HDAC11: variants seen among roughly 807,000 people sequenced by gnomAD.
HDAC11 encodes histone deacetylase 11.
A neutral mutation model predicts 41.1 loss-of-function variants in HDAC11; 23 were observed. The ratio of observed to expected loss-of-function variants is 0.56; its 90% CI spans 0.40 to 0.79. The LOEUF (loss-of-function observed/expected upper bound fraction) is 0.79. Among genes scored for constraint, HDAC11 ranks in the 30% least tolerant of loss-of-function variants. The pLI is 0.00. For synonymous variants in HDAC11, 187 were observed against 186.6 expected, an observed-to-expected ratio of 1.00 and a Z score of -0.02; for missense variants, 402 against 477.3, an observed-to-expected ratio of 0.84 and a Z score of 1.47.
At chr3:13,500,845 C>A in intron 6 of HDAC11, 56 bp downstream of exon 6, 2 of 1,262,226 alleles carry the variant, frequency 1.6e-6, no homozygotes, top group African/African-American at 1.5e-5. Flanking sequence ...GAATCCTCCC[C>A]ATAGCTCCAA....
chr3:13,498,607 G>A (rs759742630), intron 5 of HDAC11, 52 bp downstream of exon 5: 21 of 1,493,516 alleles, frequency 1.4e-5, no homozygotes, highest in Non-Finnish European at 1.8e-5. Context: ...GGTGGAACTG[G>A]CCTGAAAGGG....
At chr3:13,481,511 G>A in intron 2 of HDAC11, 117 bp downstream of exon 2, 4 of 1,153,198 alleles carry the variant, frequency 3.5e-6, no homozygotes, top group African/African-American at 3.1e-5. Context: ...GCCCTCGGAT[G>A]GCCTTCCACC....
At chr3:13,504,057 T>A in intron 8 of HDAC11, 37 bp from the exon 9 acceptor site, 1 of 1,596,498 alleles carries the variant, frequency 6.3e-7, no homozygotes, top group Non-Finnish European at 8.6e-7. Context: ...CAGTTTCCCT[T>A]CTCTATAAAT....
chr3:13,496,571 T>G (rs551518440), intron 3 of HDAC11, 165 bp from the exon 4 acceptor site: 7 of 569,792 alleles, frequency 1.2e-5, no homozygotes, highest in African/African-American at 9.7e-5. Flanking sequence ...CCTGGTAGGG[T>G]TGTGGCTCTG....
intron 3 of HDAC11, among the ~76,000 whole-genome samples, chr3:13,488,467 C>G (rs954616519): frequency 1.3e-5 from 2 of 150,594 alleles, no homozygotes; most frequent in African/African-American, 5.0e-5. Flanking sequence ...CCTGCATTCT[C>G]TCTCTATGGA....
chr3:13,493,760 A>G (rs1310533425), intron 3 of HDAC11, among the ~76,000 whole-genome samples: 1 of 152,186 alleles, frequency 6.6e-6, no homozygotes, highest in Non-Finnish European at 1.5e-5. Flanking sequence ...CACAGCAAAC[A>G]CACATACTTT....
intron 3 of HDAC11, among the ~76,000 whole-genome samples, chr3:13,485,766 C>G (rs1023123842): frequency 5.3e-5 from 8 of 150,590 alleles, no homozygotes; most frequent in Non-Finnish European, 1.0e-4. Flanking sequence ...GCTGGTATGA[C>G]AGAGTGAGAC....
chr3:13,493,495 C>T (rs1559376001), intron 3 of HDAC11, among the ~76,000 whole-genome samples: 1 of 152,244 alleles, frequency 6.6e-6, no homozygotes, highest in Non-Finnish European at 1.5e-5. Context: ...CCGCATGTGG[C>T]TCTTGAAATA....
intron 3 of HDAC11, among the ~76,000 whole-genome samples, chr3:13,494,283 T>G (rs951473059): frequency 3.3e-5 from 5 of 152,204 alleles, no homozygotes; most frequent in Admixed American, 2.0e-4. Context: ...CTTCAGCGGC[T>G]CGTTTGTTTG....
At chr3:13,486,298 TGAA>T (rs763317853) in intron 3 of HDAC11, among the ~76,000 whole-genome samples, 3 of 133,884 alleles carry the variant, frequency 2.2e-5, no homozygotes. Context: ...AAGAAAAAGA[TGAA>T]GAAGTAGTCA....
At chr3:13,491,541 A>C (rs1701866379) in intron 3 of HDAC11, among the ~76,000 whole-genome samples, 1 of 152,038 alleles carries the variant, frequency 6.6e-6, no homozygotes, top group African/African-American at 2.4e-5. Context: ...GGCGCCCTAG[A>C]GGGGTTACAG....
Position 13,481,841 on chromosome 3 carries a change from G to C in HDAC11, c.151+447G>C, listed in dbSNP as rs568526886. On this transcript the variant is annotated intron_variant, in intron 2 of 9. Transcript: ENST00000295757. ...GTCCAGTCCTCACAGCAGCCCTCGG[G>C]GTAGGCACCACAATCGCAGCAGAGG... Among the ~76,000 whole-genome samples the C allele has an allele frequency of 1.2e-3, 184 of 152,266 alleles. 1 individual carries two copies. Among genetic ancestry groups the C allele is most frequent in the Admixed American group, 1.1e-3 (17 of 15,290 alleles).
chr3:13,483,598 T>G (rs2124998810), intron 3 of HDAC11, 34 bp downstream of exon 3: 1,006 of 1,086,602 alleles, frequency 9.3e-4, no homozygotes, highest in Non-Finnish European at 1.3e-3. Context: ...GCTGCGGGCC[T>G]GGGGCAGGGG....
intron 3 of HDAC11, among the ~76,000 whole-genome samples, chr3:13,494,821 C>T (rs749899318): frequency 1.1e-4 from 17 of 152,132 alleles, no homozygotes; most frequent in Non-Finnish European, 2.4e-4. Flanking sequence ...TGACAGAAGC[C>T]TCCCCTGGTG....
At chr3:13,503,041 G>C (rs1206202753) in intron 8 of HDAC11, 61 bp downstream of exon 8, 13 of 1,285,946 alleles carry the variant, frequency 1.0e-5, no homozygotes, top group Non-Finnish European at 1.5e-5. Flanking sequence ...TCTCTCCTGA[G>C]TGTCTCCTGT....
chr3:13,496,703 G>A (rs986056650), intron 3 of HDAC11, 33 bp from the exon 4 acceptor site: 60 of 1,446,260 alleles, frequency 4.1e-5, no homozygotes, highest in Non-Finnish European at 5.6e-5. Context: ...GGGTGGGGAA[G>A]CGGAGGCCAA....
chr3:13,485,308 C>T (rs1332648997), intron 3 of HDAC11, among the ~76,000 whole-genome samples: 1 of 152,238 alleles, frequency 6.6e-6, no homozygotes, highest in Non-Finnish European at 1.5e-5. Context: ...GGTGTGAGGC[C>T]TTGGCAGGAA....
chr3:13,503,225 G>GA (rs1013648079), intron 8 of HDAC11: 24 of 321,392 alleles, frequency 7.5e-5, no homozygotes, highest in South Asian at 2.6e-4. Context: ...AAGAATGAAA[G>GA]AAAAAAAAGA....
rs1422664880 is a variant in HDAC11 at position 13,501,890 on chromosome 3, AG to A, written c.512del (p.Gly171AlafsTer109). 4.3e-6 allele frequency: 7 copies of A among 1,613,764 alleles called. No homozygotes were observed. Among genetic ancestry groups the A allele is most frequent in the Non-Finnish European group, 5.9e-6 (7 of 1,179,944 alleles). On this transcript the variant is annotated frameshift_variant, in exon 7 of 10. Transcript: ENST00000295757. LOFTEE classifies it high-confidence loss of function. ...TGGCAGTTTCTGTTTGAGCGTGTGGAGGGCATCTCCAGGGCTACCATCATTG... is the reference window on the plus strand; with the variant it reads ...TGGCAGTTTCTGTTTGAGCGTGTGGAGGCATCTCCAGGGCTACCATCATTG... ...LAIKFLFERVEGISRATIIDL... is the reference protein window; with the variant it reads ...LAIKFLFERVXGISRATIIDL...
Sources: gnomAD v4.1 joint callset for allele counts (sites outside exome capture counted in the v4.1 genomes callset) on GRCh38, gnomAD v4.1.1 for gene constraint, MANE v1.5 for transcripts, NCBI Gene and HGNC (gene_info 2026-07-23, HGNC 2026-07-21) for gene names.